The following C18orf32 variants were observed in gnomAD, a reference collection of about 807,000 sequenced individuals.
The protein encoded by C18orf32 is chromosome 18 open reading frame 32.
A neutral mutation model predicts 7.4 loss-of-function variants in C18orf32; 5 were observed. The observed-to-expected ratio is 0.68, with a 90% CI of 0.35 to 1.42. The LOEUF is 1.42. C18orf32 is among the 40% of genes most tolerant of loss of function. The pLI, the probability that C18orf32 is intolerant of heterozygous loss-of-function variation, is 0.04. For synonymous variants in C18orf32, 30 were observed against 29.3 expected, an observed-to-expected ratio of 1.02 and a Z score of -0.08; for missense variants, 88 against 92.4, an observed-to-expected ratio of 0.95 and a Z score of 0.19.
intron 1 of C18orf32, among the ~76,000 whole-genome samples, chr18:49,486,834 G>T (rs1226111231): frequency 6.6e-6 from 1 of 152,176 alleles, no homozygotes; most frequent in South Asian, 2.1e-4. Flanking sequence ...GACAATGATT[G>T]AAAAGAGACG....
chr18:49,477,891 T>C lies in C18orf32; in HGVS notation c.*4454A>G, dbSNP rs1488125186. On this transcript the variant is annotated 3_prime_UTR_variant, in exon 3 of 3. Transcript: ENST00000318240. ...ACACTATATATATACACTATATATA[T>C]ATACACTATATGTATATACACTATA... 4.8e-5 allele frequency: 7 copies of C among 145,940 alleles called. No homozygotes were observed. Among genetic ancestry groups the C allele is most frequent in the Admixed American group, 4.8e-4 (7 of 14,684 alleles). 9.0% of individuals were successfully genotyped at this position (145,940 alleles called of 1,614,324 possible).
chr18:49,483,437 G>C, intron 2 of C18orf32, 147 bp downstream of exon 2: 6 of 1,020,386 alleles, frequency 5.9e-6, no homozygotes, highest in Non-Finnish European at 8.5e-6. Context: ...ATTAATCAGA[G>C]GCCTACTTTA....
In C18orf32 at chr18:49,481,623, T is replaced by C. The variant is rs1484291262; in HGVS notation, c.*722A>G. The C allele has an allele frequency of 1.3e-5, 2 of 152,216 alleles. No homozygotes were observed. Among genetic ancestry groups the C allele is most frequent in the African/African-American group, 4.8e-5 (2 of 41,448 alleles). The allele number at this position is 152,216 out of a possible 1,614,324, so 9.4% of individuals were successfully genotyped here. The stretch of plus-strand genomic sequence containing the variant: ...TCTGACGTGGTGAAAAATTTCCCTT[T>C]TGAATATTTCAATAGACTTTAAAAG... On this transcript the variant is annotated 3_prime_UTR_variant, in exon 3 of 3. Coordinates refer to ENST00000318240, the MANE Select transcript of C18orf32 (RefSeq NM_001035005.4).
At chr18:49,485,852 G>A (rs1003966835) in intron 1 of C18orf32, 2 of 152,026 alleles carry the variant, frequency 1.3e-5, no homozygotes, top group Non-Finnish European at 2.9e-5. Flanking sequence ...AAAGTCCTAA[G>A]CTCAAATGAT....
Position 49,481,057 on chromosome 18 carries a change from A to G in C18orf32, c.*1288T>C, listed in dbSNP as rs982093723. On this transcript the variant is annotated 3_prime_UTR_variant, in exon 3 of 3. Transcript: ENST00000318240. ...CGCTTTTCATTTAGGATCCTCTTGC[A>G]TTGTTGTACTGTAAATATCTGTTAT... 2 of 152,208 alleles carry G rather than the reference A, an allele frequency of 1.3e-5. No individual in the cohort carries two copies. The highest frequency in any genetic ancestry group is 2.9e-5 in the Non-Finnish European group (2 of 68,036). The allele number at this position is 152,208 out of a possible 1,614,324, so 9.4% of individuals were successfully genotyped here.
chr18:49,486,255 C>T (rs181477205), intron 1 of C18orf32: 1 of 152,134 alleles, frequency 6.6e-6, no homozygotes, highest in East Asian at 1.9e-4. Context: ...TTTTACCAAA[C>T]TTTCCAAACC....
In C18orf32 at chr18:49,478,388, G is replaced by A. The variant is rs1356270674; in HGVS notation, c.*3957C>T. On this transcript the variant is annotated 3_prime_UTR_variant, in exon 3 of 3. Coordinates refer to ENST00000318240, the MANE Select transcript of C18orf32 (RefSeq NM_001035005.4). ...AAACGATTCTCATGCCTCAGCCTCTGGAGTAGCTGGGATTACAGGTGTGTA... is the reference window on the plus strand; with the variant it reads ...AAACGATTCTCATGCCTCAGCCTCTAGAGTAGCTGGGATTACAGGTGTGTA... 1.3e-5 allele frequency: 2 copies of A among 150,068 alleles called. No individual in the cohort carries two copies. The highest frequency in any genetic ancestry group is 5.1e-5 in the African/African-American group (2 of 39,400). 9.3% of individuals were successfully genotyped at this position (150,068 alleles called of 1,614,324 possible). A position where few individuals can be genotyped will look rare whatever the true frequency, so the allele number is the denominator to read the frequency against.
In C18orf32 at chr18:49,481,107, A is replaced by G. The variant is rs1396574141; in HGVS notation, c.*1238T>C. The stretch of plus-strand genomic sequence containing the variant: ...TTTTTATAATAGTATTTATACCTTA[A>G]AAAAGTTTATTTGCTAATGAGAATT... On this transcript the variant is annotated 3_prime_UTR_variant, in exon 3 of 3. Coordinates refer to ENST00000318240, the MANE Select transcript of C18orf32 (RefSeq NM_001035005.4). The G allele has an allele frequency of 6.6e-6, 1 of 152,204 alleles. No homozygotes were observed. Among genetic ancestry groups the G allele is most frequent in the East Asian group, 1.9e-4 (1 of 5,198 alleles). 9.4% of individuals were successfully genotyped at this position (152,204 alleles called of 1,614,324 possible).
chr18:49,483,211 A>T (rs1259291736), intron 2 of C18orf32, among the ~76,000 whole-genome samples: 1 of 152,226 alleles, frequency 6.6e-6, no homozygotes, highest in East Asian at 1.9e-4. Context: ...AATCTAAAAA[A>T]GCACCAATTC....
At chr18:49,484,084 ATG>A (rs2083701605) in intron 1 of C18orf32, among the ~76,000 whole-genome samples, 1 of 147,284 alleles carries the variant, frequency 6.8e-6, no homozygotes, top group Non-Finnish European at 1.5e-5. Flanking sequence ...AGCCGTGTTC[ATG>A]CCACTGCTCT....
chr18:49,485,531 G>C (rs1450236919), intron 1 of C18orf32, among the ~76,000 whole-genome samples: 1 of 151,384 alleles, frequency 6.6e-6, no homozygotes, highest in Non-Finnish European at 1.5e-5. Flanking sequence ...TCCAGCCTGC[G>C]TGACAAGAGC....
chr18:49,483,161 G>T (rs529643218), intron 2 of C18orf32, among the ~76,000 whole-genome samples: 2 of 152,114 alleles, frequency 1.3e-5, no homozygotes, highest in African/African-American at 2.4e-5. Flanking sequence ...TTCCAGAAAC[G>T]GGCCGGATGG....
chr18:49,482,800 C>T (rs1370894612), intron 2 of C18orf32, among the ~76,000 whole-genome samples: 2 of 130,186 alleles, frequency 1.5e-5, no homozygotes, highest in Admixed American at 8.3e-5. Context: ...CTGTCTCTCT[C>T]TTTTTTTTTT....
intron 1 of C18orf32, 68 bp downstream of exon 1, chr18:49,486,975 G>A (rs1300265046): frequency 1.1e-5 from 1 of 89,208 alleles, no homozygotes; most frequent in Non-Finnish European, 2.1e-5. Context: ...GGTGGACAAA[G>A]AATACAGACA....
Position 49,483,624 on chromosome 18 carries a change from T to C in C18orf32, c.125A>G (p.Gln42Arg), listed in dbSNP as rs1486015980. 1.2e-6 allele frequency: 2 copies of C among 1,609,756 alleles called. No homozygotes were observed. Among genetic ancestry groups the C allele is most frequent in the Non-Finnish European group, 1.7e-6 (2 of 1,179,206 alleles). The change falls in exon 2 of 3, where the codon CAA becomes CGA. Residue 42 changes from glutamine (Q) to arginine (R), a missense_variant. Gln to Arg is a conservative substitution (Grantham distance 43). Transcript: ENST00000318240. The part of the protein sequence containing the change: ...VSRIWPKKAI[Q>R]ESNDTNKGKV... ...GCCTTTGTTTGTATCATTGGATTCT[T>C]GTATTGCTTTCTTAGGCCATATACG...
Position 49,478,231 on chromosome 18 carries a change from G to A in C18orf32, c.*4114C>T, listed in dbSNP as rs1490431983. 1 of 149,090 alleles carries A rather than the reference G, an allele frequency of 6.7e-6. No homozygotes were observed. Among genetic ancestry groups the A allele is most frequent in the East Asian group, 1.9e-4 (1 of 5,144 alleles). The allele number at this position is 149,090 out of a possible 1,614,324, so 9.2% of individuals were successfully genotyped here. Reference sequence around the variant, plus strand: ...ATTTTTTAATTTTTGGTGGAGGCGAGGTCTCCCTATGTTGCCCAGGCTGGG... The same window carrying A: ...ATTTTTTAATTTTTGGTGGAGGCGAAGTCTCCCTATGTTGCCCAGGCTGGG... On this transcript the variant is annotated 3_prime_UTR_variant, in exon 3 of 3. Coordinates refer to ENST00000318240, the MANE Select transcript of C18orf32 (RefSeq NM_001035005.4).
intron 1 of C18orf32, among the ~76,000 whole-genome samples, chr18:49,485,141 A>C (rs1337588946): frequency 6.6e-6 from 1 of 152,204 alleles, no homozygotes; most frequent in East Asian, 1.9e-4. Context: ...CTGGCAACTG[A>C]GTCAGCACCA....
Position 49,483,789 on chromosome 18 carries a change from GA to G in C18orf32, c.-23-19del, listed in dbSNP as rs748046543. The stretch of plus-strand genomic sequence containing the variant: ...CTCCTCAACTGTTGATATATGTGAA[GA>G]AAAAAATTAGTTCATCACAGATTAG... On this transcript the variant is annotated intron_variant, in intron 1 of 2. Coordinates refer to ENST00000318240, the MANE Select transcript of C18orf32 (RefSeq NM_001035005.4). 19 of 1,579,986 alleles carry G rather than the reference GA, an allele frequency of 1.2e-5. 1 individual carries two copies. In the South Asian group the frequency reaches 1.9e-4, roughly 16 times the overall value.
Position 49,478,693 on chromosome 18 carries a change from C to G in C18orf32, c.*3652G>C, listed in dbSNP as rs2083637723. 6.7e-6 allele frequency: 1 copy of G among 150,250 alleles called. No individual in the cohort carries two copies. Among genetic ancestry groups the G allele is most frequent in the Non-Finnish European group, 1.5e-5 (1 of 68,040 alleles). The allele number at this position is 150,250 out of a possible 1,614,324, so 9.3% of individuals were successfully genotyped here. ...GCTCTTACTAAAAAGGCAGCCCTGA[C>G]CTTTACACAGACAGATGTTGATATT... On this transcript the variant is annotated 3_prime_UTR_variant, in exon 3 of 3. Coordinates refer to ENST00000318240, the MANE Select transcript of C18orf32 (RefSeq NM_001035005.4).
Sources: gnomAD v4.1 joint callset for allele counts (sites outside exome capture counted in the v4.1 genomes callset) on GRCh38, gnomAD v4.1.1 for gene constraint, MANE v1.5 for transcripts, NCBI Gene and HGNC (gene_info 2026-07-23, HGNC 2026-07-21) for gene names.